Variants in CSMD2 observed in about 807,000 individuals in gnomAD.
The protein encoded by CSMD2 is CUB and sushi domain-containing protein 2.
CSMD2 carries 130 observed loss-of-function variants against 398.5 expected under a neutral mutation model. The ratio of observed to expected loss-of-function variants is 0.33; its 90% CI spans 0.28 to 0.38. The LOEUF (loss-of-function observed/expected upper bound fraction) is 0.38. Among genes scored for constraint, CSMD2 ranks in the 10% least tolerant of loss-of-function variants. The pLI, the probability that CSMD2 is intolerant of heterozygous loss-of-function variation, is 1.00. For missense variants in CSMD2, 3,829 were observed against 4,764.9 expected (o/e 0.80, Z 5.78); for synonymous variants, 1,828 against 1,908.5 (o/e 0.96, Z 1.10).
chr1:33,742,373 G>A (rs976664254), intron 14 of CSMD2, among the ~76,000 whole-genome samples: 1 of 152,188 alleles, frequency 6.6e-6, no homozygotes, highest in African/African-American at 2.4e-5. Flanking sequence ...GTGTTTGTGG[G>A]CATGGAGCAG....
chr1:33,911,760 C>G (rs571899232), intron 5 of CSMD2, among the ~76,000 whole-genome samples: 1 of 152,206 alleles, frequency 6.6e-6, no homozygotes, highest in Non-Finnish European at 1.5e-5. Flanking sequence ...CTGGGAAGTC[C>G]AGACAGATAG....
chr1:33,810,277 AC>A (rs1656707717), intron 10 of CSMD2, among the ~76,000 whole-genome samples: 1 of 152,222 alleles, frequency 6.6e-6, no homozygotes, highest in African/African-American at 2.4e-5. Context: ...AATCTTAGGA[AC>A]ACAATTTTGA....
intron 54 of CSMD2, among the ~76,000 whole-genome samples, chr1:33,558,289 G>T (rs543231169): frequency 6.6e-6 from 1 of 152,310 alleles, no homozygotes; most frequent in South Asian, 2.1e-4. Flanking sequence ...GCCTCCCACA[G>T]CAAAGCTTGT....
chr1:33,732,749 C>G (rs1403006102), intron 15 of CSMD2, among the ~76,000 whole-genome samples: 1 of 152,200 alleles, frequency 6.6e-6, no homozygotes, highest in African/African-American at 2.4e-5. Context: ...TCTCCTGACC[C>G]TGATGCTAAA....
chr1:34,127,612 TG>T (rs1662878725), intron 1 of CSMD2, among the ~76,000 whole-genome samples: 1 of 152,156 alleles, frequency 6.6e-6, no homozygotes, highest in Non-Finnish European at 1.5e-5. Context: ...CATCCTGTGA[TG>T]GAACCAGGGA....
At position 33,519,087 on chromosome 1, in the gene CSMD2, G is replaced by A. The variant is rs967065410; in HGVS notation, c.*53+378C>T. Among the ~76,000 whole-genome samples, 2 of 152,186 alleles carry A rather than the reference G, an allele frequency of 1.3e-5. No individual in the cohort carries two copies. The highest frequency in any genetic ancestry group is 4.8e-5 in the African/African-American group (2 of 41,432). On this transcript the variant is annotated intron_variant, in intron 70 of 70. Transcript: ENST00000373381. The surrounding 1 kb of genome is among the most constrained non-coding windows in gnomAD (Gnocchi z 5.6). ...GGTTCTGTTTCTCTAGAGAGAAACA[G>A]ACTAGTACATGCCGATGTTCTGCCA...
chr1:34,032,090 T>G (rs935908288), intron 3 of CSMD2, among the ~76,000 whole-genome samples: 1 of 152,134 alleles, frequency 6.6e-6, no homozygotes, highest in Non-Finnish European at 1.5e-5. Flanking sequence ...AAGTACAAAT[T>G]ATTTGCATAG....
intron 37 of CSMD2, among the ~76,000 whole-genome samples, chr1:33,619,044 C>A (rs1039856016): frequency 1.3e-5 from 2 of 152,194 alleles, no homozygotes; most frequent in African/African-American, 4.8e-5. Context: ...CTCTCCTGTG[C>A]TCTGCAGGAG....
chr1:33,730,179 G>A (rs570680719), intron 15 of CSMD2, among the ~76,000 whole-genome samples: 1 of 152,276 alleles, frequency 6.6e-6, no homozygotes, highest in South Asian at 2.1e-4. Flanking sequence ...CCCAGACTAT[G>A]TTGTTAAGTG....
intron 25 of CSMD2, among the ~76,000 whole-genome samples, chr1:33,676,628 T>C (rs538086574): frequency 2.7e-4 from 41 of 152,108 alleles, no homozygotes; most frequent in Admixed American, 5.2e-4. Flanking sequence ...TCATATGGCA[T>C]CAAAAAAGAG....
At chr1:33,650,767 T>C (rs932323071) in intron 28 of CSMD2, among the ~76,000 whole-genome samples, 2 of 152,192 alleles carry the variant, frequency 1.3e-5, no homozygotes, top group Non-Finnish European at 2.9e-5. Flanking sequence ...TCTATCAGTT[T>C]TGACACATGC....
intron 1 of CSMD2, among the ~76,000 whole-genome samples, chr1:34,146,913 T>C (rs1371444177): frequency 2.0e-5 from 3 of 152,132 alleles, no homozygotes. Context: ...GACCTAAGTA[T>C]GGAGAGTCTC....
intron 44 of CSMD2, among the ~76,000 whole-genome samples, chr1:33,595,756 T>C (rs1639796044): frequency 6.6e-6 from 1 of 152,224 alleles, no homozygotes; most frequent in Admixed American, 6.5e-5. Flanking sequence ...TGGCTTGTCT[T>C]CTACTTTCTC....
rs1188044822 is a variant in CSMD2 at position 33,633,372 on chromosome 1, G to C, written c.5200+50C>G. On this transcript the variant is annotated intron_variant, in intron 32 of 70. Transcript: ENST00000373381. The surrounding 1 kb of genome is among the most constrained non-coding windows in gnomAD (Gnocchi z 5.0). ...TAGAGCCTCCTTCCTTTAGCCGGAC[G>C]TGATGCCCCCGGCCCACAACCATCC... is the stretch of plus-strand genomic sequence containing the variant. 1.5e-6 allele frequency: 2 copies of C among 1,375,666 alleles called. No individual in the cohort carries two copies. Among genetic ancestry groups the C allele is most frequent in the African/African-American group, 1.4e-5 (1 of 69,582 alleles). 85.2% of individuals were successfully genotyped at this position (1,375,666 alleles called of 1,614,324 possible). A position where few individuals can be genotyped will look rare whatever the true frequency, so the allele number is the denominator to read the frequency against.
intron 3 of CSMD2, among the ~76,000 whole-genome samples, chr1:33,941,271 T>C (rs1490269329): frequency 6.6e-6 from 1 of 152,252 alleles, no homozygotes; most frequent in Non-Finnish European, 1.5e-5. Flanking sequence ...GTGGCTGAAG[T>C]GCAGCAAAAG....
intron 5 of CSMD2, among the ~76,000 whole-genome samples, chr1:33,914,377 G>A (rs1386279497): frequency 6.8e-6 from 1 of 147,442 alleles, no homozygotes; most frequent in South Asian, 2.1e-4. Context: ...TGTCAGAGAC[G>A]ATTTGGCAGT....
intron 5 of CSMD2, among the ~76,000 whole-genome samples, chr1:33,865,314 A>C (rs530676813): frequency 6.6e-5 from 10 of 151,294 alleles, no homozygotes; most frequent in African/African-American, 2.2e-4. Context: ...CAGGATTTCC[A>C]GCAACACTTA....
At chr1:33,855,094 G>C (rs890622756) in intron 5 of CSMD2, among the ~76,000 whole-genome samples, 1 of 152,206 alleles carries the variant, frequency 6.6e-6, no homozygotes, top group Non-Finnish European at 1.5e-5. Flanking sequence ...CTGATGCCAA[G>C]CTCTGGGTGA....
At chr1:34,162,684 C>A (rs959151913) in intron 1 of CSMD2, among the ~76,000 whole-genome samples, 1 of 152,020 alleles carries the variant, frequency 6.6e-6, no homozygotes, top group African/African-American at 2.4e-5. Context: ...CATGGTGAAA[C>A]CCCATCTCTC....
Sources: gnomAD v4.1 joint callset for allele counts (sites outside exome capture counted in the v4.1 genomes callset) on GRCh38, gnomAD v4.1.1 for gene constraint, Gnocchi (gnomAD v3.1) non-coding constraint, MANE v1.5 for transcripts, NCBI Gene and HGNC (gene_info 2026-07-23, HGNC 2026-07-21) for gene names.